DNAH12: variants seen among roughly 807,000 people sequenced by gnomAD.
DNAH12 encodes the protein axonemal beta dynein heavy chain 12.
Under a neutral mutation model 371.5 loss-of-function variants are expected in DNAH12, and 285 were observed. The observed-to-expected ratio is 0.77, with a 90% CI of 0.70 to 0.85. The LOEUF is 0.85. Among genes scored for constraint, DNAH12 ranks in the 40% least tolerant of loss-of-function variants. DNAH12 has a pLI of 0.00. For synonymous variants in DNAH12, 1,200 were observed against 1,213.0 expected (o/e 0.99, Z 0.22); for missense variants, 3,611 against 3,689.4 (o/e 0.98, Z 0.55).
rs2063503450 is a variant in DNAH12, at chr3:57,386,594, A to G, written c.7449T>C (p.His2483=). The change falls in exon 47 of 74, where the codon CAT becomes CAC. Residue 2483 remains histidine, a synonymous_variant. Coordinates refer to ENST00000495027, the MANE Select transcript of DNAH12 (RefSeq NM_001366028.2). ...SIMDLSERFL[H]ELGRHNYVTA... ...TAACATAGTTATGTCGTCCTAACTC[A>G]TGCAAGAACCTAAAAGAGAGGCAGG... The G allele has an allele frequency of 6.6e-6, 1 of 152,242 alleles. No homozygotes were observed. The highest frequency in any genetic ancestry group is 2.4e-5 in the African/African-American group (1 of 41,464). The allele number at this position is 152,242 out of a possible 1,614,324, so 9.4% of individuals were successfully genotyped here. A position where few individuals can be genotyped will look rare whatever the true frequency, so the allele number is the denominator to read the frequency against.
chr3:57,402,495 T>C (rs1380974168), intron 43 of DNAH12: 4 of 1,193,916 alleles, frequency 3.4e-6, no homozygotes, highest in East Asian at 5.7e-5. Context: ...ATCAGGTTCA[T>C]GGTTAAATCT....
At chr3:57,483,290 G>A (rs1295140199) in intron 13 of DNAH12, 86 bp downstream of exon 13, 20 of 1,459,468 alleles carry the variant, frequency 1.4e-5, no homozygotes, top group Non-Finnish European at 1.7e-5. Context: ...AGCTATTTGT[G>A]TAACTATATA....
rs189064148 is a variant in DNAH12, at chr3:57,349,664, C to T, written c.9674+2421G>A. ...AGGAACAAAATAATGGCATTCGCAG[C>T]AACCTGGATGGAATTGGAGACTACT... On this transcript the variant is annotated intron_variant, in intron 60 of 73. Coordinates refer to ENST00000495027, the MANE Select transcript of DNAH12 (RefSeq NM_001366028.2). Among the ~76,000 whole-genome samples, 180 of 152,196 alleles carry T rather than the reference C, an allele frequency of 1.2e-3. 2 individuals carry two copies. Among genetic ancestry groups the T allele is most frequent in the African/African-American group, 4.0e-3 (165 of 41,540 alleles).
At chr3:57,539,537 A>C (rs1419981865) in intron 2 of DNAH12, among the ~76,000 whole-genome samples, 1 of 150,504 alleles carries the variant, frequency 6.6e-6, no homozygotes, top group South Asian at 2.1e-4. Flanking sequence ...CTCCTTACAT[A>C]TTACCTCCAC....
chr3:57,514,479 A>C (rs1430126281), intron 4 of DNAH12, among the ~76,000 whole-genome samples: 1 of 152,100 alleles, frequency 6.6e-6, no homozygotes, highest in Non-Finnish European at 1.5e-5. Context: ...GTAAGAAAAC[A>C]TACCTGTTCA....
At chr3:57,317,849 A>G (rs1332902351) in intron 65 of DNAH12, among the ~76,000 whole-genome samples, 1 of 152,110 alleles carries the variant, frequency 6.6e-6, no homozygotes, top group Non-Finnish European at 1.5e-5. Context: ...TTTTTTGAAA[A>G]TAGCCATCCC....
intron 69 of DNAH12, among the ~76,000 whole-genome samples, chr3:57,307,786 A>C (rs1250191941): frequency 6.6e-6 from 1 of 152,026 alleles, no homozygotes; most frequent in Non-Finnish European, 1.5e-5. Flanking sequence ...TATCTCTCTG[A>C]TCCACCTGAC....
intron 55 of DNAH12, among the ~76,000 whole-genome samples, chr3:57,373,603 C>A (rs1022696756): frequency 6.6e-6 from 1 of 151,764 alleles, no homozygotes; most frequent in Non-Finnish European, 1.5e-5. Context: ...GGATTACAGG[C>A]GTGAGCCACC....
intron 30 of DNAH12, among the ~76,000 whole-genome samples, chr3:57,435,231 G>A (rs571611893): frequency 3.6e-4 from 55 of 152,042 alleles, no homozygotes; most frequent in Non-Finnish European, 7.1e-4. Flanking sequence ...AATTAGCTGG[G>A]CGTGATGGCA....
chr3:57,544,158 C>A (rs961991640), intron 1 of DNAH12, 39 bp downstream of exon 1: 2 of 152,164 alleles, frequency 1.3e-5, no homozygotes, highest in African/African-American at 4.8e-5. Flanking sequence ...CGATACCTGC[C>A]CTGGGAGAGA....
chr3:57,538,186 C>A (rs545368533), intron 2 of DNAH12, among the ~76,000 whole-genome samples: 24 of 152,234 alleles, frequency 1.6e-4, no homozygotes, highest in Non-Finnish European at 3.2e-4. Context: ...GCAAAGTGAG[C>A]GCTGACTGAA....
intron 65 of DNAH12, among the ~76,000 whole-genome samples, chr3:57,316,119 A>G (rs2061679630): frequency 6.8e-6 from 1 of 146,882 alleles, no homozygotes; most frequent in Middle Eastern, 3.2e-3. Flanking sequence ...TTTCTTAAAA[A>G]ATAACCCCTT....
intron 2 of DNAH12, among the ~76,000 whole-genome samples, chr3:57,531,332 C>G (rs916633883): frequency 1.3e-5 from 2 of 152,162 alleles, no homozygotes; most frequent in Non-Finnish European, 2.9e-5. Context: ...ATATTTCATT[C>G]CACTTTCTCT....
Position 57,309,248 on chromosome 3 carries a change from T to G in DNAH12, c.11092A>C (p.Ser3698Arg). 6.5e-7 allele frequency: 1 copy of G among 1,545,176 alleles called. No homozygotes were observed. Among genetic ancestry groups the G allele is most frequent in the Non-Finnish European group, 8.7e-7 (1 of 1,145,264 alleles). ...ITKDILNKLP[S>R]DFDIEMALRK... ...AGTGCCATTTCAATGTCGAAATCAC[T>G]AGGGAGCTAAAAGAATAGATTTTGA... Residue 3698 changes from serine (S) to arginine (R), a missense_variant, in exon 69 of 74, where the codon AGT (serine) becomes CGT (arginine). Coordinates refer to ENST00000495027, the MANE Select transcript of DNAH12 (RefSeq NM_001366028.2).
intron 32 of DNAH12, among the ~76,000 whole-genome samples, chr3:57,430,924 G>A (rs1395287643): frequency 6.6e-6 from 1 of 152,070 alleles, no homozygotes; most frequent in African/African-American, 2.4e-5. Flanking sequence ...TTTAATTTTA[G>A]CTAACTAAAA....
rs1319892435 is a variant in DNAH12, at chr3:57,425,305, T to C, written c.5254-164A>G. Among the ~76,000 whole-genome samples the C allele has an allele frequency of 3.3e-5, 5 of 152,128 alleles. No individual in the cohort carries two copies. In the East Asian group the frequency reaches 7.7e-4, roughly 23 times the overall value. ...CTCTGTCATCCAGGCTGGAGCCCAG[T>C]TGCACAATCATAGCTCACTGCAGCC... On this transcript the variant is annotated intron_variant, in intron 34 of 73. Coordinates refer to ENST00000495027, the MANE Select transcript of DNAH12 (RefSeq NM_001366028.2).
chr3:57,324,814 T>G (rs928868553), intron 62 of DNAH12, among the ~76,000 whole-genome samples: 16 of 152,274 alleles, frequency 1.1e-4, no homozygotes, highest in African/African-American at 3.6e-4. Context: ...TTCCCTTTCC[T>G]AGTCAAAGAA....
Position 57,526,527 on chromosome 3 carries a change from CT to C in DNAH12, c.171-2644del, listed in dbSNP as rs759097908. 5.1e-3 allele frequency among the ~76,000 whole-genome samples: 620 copies of C among 121,248 alleles called. 2 individuals are homozygous for C. Among genetic ancestry groups the C allele is most frequent in the African/African-American group, 0.013 (419 of 33,352 alleles). 79.5% of individuals were successfully genotyped at this position (121,248 alleles called of 152,430 possible). On this transcript the variant is annotated intron_variant, in intron 2 of 73. Transcript: ENST00000495027. ...ATGGACACTGAGGTTGTTTCCAGAT[CT>C]TTTTTTTTTTTTTTTTTTTGAGACA...
In DNAH12 at chr3:57,402,300, C is replaced by A. The variant is rs1416259453; in HGVS notation, c.6948+1009G>T. The A allele has an allele frequency of 4.2e-6, 4 of 942,372 alleles. No homozygotes were observed. In the African/African-American group the frequency reaches 7.6e-5, roughly 18 times the overall value. 58.4% of individuals were successfully genotyped at this position (942,372 alleles called of 1,614,324 possible). A position where few individuals can be genotyped will look rare whatever the true frequency, so the allele number is the denominator to read the frequency against. On this transcript the variant is annotated intron_variant, in intron 43 of 73. Coordinates refer to ENST00000495027, the MANE Select transcript of DNAH12 (RefSeq NM_001366028.2). ...GTCAGTGAAAGTGAAAGAAGTCCAG[C>A]AATTTCTCCCTTTTTTTTTTCCACT...
Sources: allele counts gnomAD v4.1 joint callset (sites outside exome capture counted in the v4.1 genomes callset), GRCh38; gene constraint gnomAD v4.1.1; transcripts MANE v1.5; gene names NCBI Gene and HGNC (gene_info 2026-07-23, HGNC 2026-07-21).